OPCML: variants seen among roughly 807,000 people sequenced by gnomAD.
OPCML encodes the protein opioid-binding protein/cell adhesion molecule.
OPCML carries 13 observed loss-of-function variants against 37.8 expected under a neutral mutation model. The observed-to-expected ratio is 0.34, with a 90% CI of 0.22 to 0.55. The LOEUF is 0.55. OPCML is among the 20% of genes least tolerant of loss of function. OPCML has a pLI of 0.91. For synonymous variants in OPCML, 176 were observed against 168.8 expected, an observed-to-expected ratio of 1.04 and a Z score of -0.33; for missense variants, 341 against 435.6, an observed-to-expected ratio of 0.78 and a Z score of 1.93.
At chr11:132,931,362 C>G (rs971553309) in intron 2 of OPCML, among the ~76,000 whole-genome samples, 2 of 152,070 alleles carry the variant, frequency 1.3e-5, no homozygotes, top group African/African-American at 4.8e-5. Flanking sequence ...TCAAAAGACA[C>G]TATCAAAAGA....
At chr11:133,246,331 G>A (rs1044514092) in intron 1 of OPCML, among the ~76,000 whole-genome samples, 7 of 152,176 alleles carry the variant, frequency 4.6e-5, no homozygotes, top group African/African-American at 9.7e-5. Flanking sequence ...CAGAGTTAGA[G>A]AACATCATGA....
intron 1 of OPCML, among the ~76,000 whole-genome samples, chr11:132,956,024 A>T (rs1017398333): frequency 1.5e-4 from 23 of 152,232 alleles, no homozygotes; most frequent in African/African-American, 5.5e-4. Flanking sequence ...ATAATTATGT[A>T]TCTCTAACCC....
At chr11:133,399,186 G>A (rs4573684) in intron 1 of OPCML, among the ~76,000 whole-genome samples, 2,069 of 152,228 alleles carry the variant, frequency 0.014, 29 homozygotes, top group Middle Eastern at 0.02. Context: ...AGGAAAAAAG[G>A]ACAAAAGGAA....
chr11:133,055,303 C>T (rs1948211610), intron 1 of OPCML, among the ~76,000 whole-genome samples: 1 of 150,340 alleles, frequency 6.7e-6, no homozygotes. Context: ...TACAATGCAG[C>T]CTCCATGATA....
At chr11:133,001,968 A>G (rs898666769) in intron 1 of OPCML, among the ~76,000 whole-genome samples, 2 of 152,228 alleles carry the variant, frequency 1.3e-5, no homozygotes, top group Non-Finnish European at 2.9e-5. Context: ...CTTTTAAGTG[A>G]CAAGTGGCTG....
At chr11:133,004,972 T>C (rs763129907) in intron 1 of OPCML, 218 of 985,270 alleles carry the variant, frequency 2.2e-4, no homozygotes, top group Non-Finnish European at 2.4e-4. Context: ...ATCATGGTCC[T>C]TCCCACCTGG....
Position 133,178,125 on chromosome 11 carries a change from T to C in OPCML, c.62-235115A>G, listed in dbSNP as rs142899413. Among the ~76,000 whole-genome samples the C allele has an allele frequency of 8.0e-4, 122 of 152,276 alleles. 2 individuals carry two copies. In the East Asian group the frequency reaches 0.021, roughly 27 times the overall value. On this transcript the variant is annotated intron_variant, in intron 1 of 7. Coordinates refer to ENST00000524381, the MANE Select transcript of OPCML (RefSeq NM_001012393.5). ...AGTCAGGAGCTCTTACATTCATAAA[T>C]GTGATACCAACACACAAAGGCCATG...
chr11:132,566,365 ATACT>A (rs1392129094), intron 3 of OPCML, among the ~76,000 whole-genome samples: 1 of 152,198 alleles, frequency 6.6e-6, no homozygotes, highest in African/African-American at 2.4e-5. Flanking sequence ...AGACATCTGG[ATACT>A]TACTTGTTGT....
At chr11:132,491,247 C>A (rs530519120) in intron 4 of OPCML, among the ~76,000 whole-genome samples, 4 of 152,224 alleles carry the variant, frequency 2.6e-5, no homozygotes, top group South Asian at 2.1e-4. Flanking sequence ...CAGCTGATGT[C>A]CTTCTCCTGC....
intron 2 of OPCML, among the ~76,000 whole-genome samples, chr11:132,716,381 T>C (rs961854130): frequency 6.1e-5 from 9 of 148,222 alleles, no homozygotes; most frequent in Non-Finnish European, 1.2e-4. Context: ...TGTCTGTCTA[T>C]CTGTCTATTT....
intron 1 of OPCML, among the ~76,000 whole-genome samples, chr11:132,981,278 A>G (rs1392324431): frequency 6.6e-6 from 1 of 152,200 alleles, no homozygotes; most frequent in Non-Finnish European, 1.5e-5. Flanking sequence ...GATAAGATGT[A>G]GTGAGATGAT....
chr11:133,235,403 G>A (rs908249550), intron 1 of OPCML, among the ~76,000 whole-genome samples: 3 of 152,100 alleles, frequency 2.0e-5, no homozygotes, highest in African/African-American at 4.8e-5. Flanking sequence ...TATTTACATG[G>A]GGACCATGGA....
chr11:132,685,177 G>A (rs1943112860), intron 2 of OPCML, among the ~76,000 whole-genome samples: 1 of 152,110 alleles, frequency 6.6e-6, no homozygotes, highest in African/African-American at 2.4e-5. Flanking sequence ...TCATCTCCAT[G>A]CCAATAGTCT....
At chr11:132,921,141 T>C (rs1944785106) in intron 2 of OPCML, among the ~76,000 whole-genome samples, 1 of 152,214 alleles carries the variant, frequency 6.6e-6, no homozygotes, top group Non-Finnish European at 1.5e-5. Context: ...AAAACTTCCT[T>C]TCGACAGCCT....
chr11:132,650,509 A>C (rs1941376302), intron 3 of OPCML, among the ~76,000 whole-genome samples: 2 of 152,146 alleles, frequency 1.3e-5, no homozygotes, highest in Admixed American at 1.3e-4. Flanking sequence ...TGTGTGCTTT[A>C]TCTGCACTAA....
At chr11:133,461,322 A>C (rs1555162636) in intron 1 of OPCML, among the ~76,000 whole-genome samples, 1 of 151,724 alleles carries the variant, frequency 6.6e-6, no homozygotes, top group Non-Finnish European at 1.5e-5. Flanking sequence ...TAGGTAAAAA[A>C]CTCTAAATGT....
intron 2 of OPCML, among the ~76,000 whole-genome samples, chr11:132,852,762 A>G (rs572975791): frequency 6.6e-6 from 1 of 152,300 alleles, no homozygotes; most frequent in East Asian, 1.9e-4. Flanking sequence ...CCATACAACC[A>G]AAGAGAAAGC....
intron 1 of OPCML, among the ~76,000 whole-genome samples, chr11:133,200,860 G>A (rs1938750242): frequency 6.6e-6 from 1 of 152,122 alleles, no homozygotes; most frequent in Non-Finnish European, 1.5e-5. Flanking sequence ...ATTCACAATA[G>A]CAAAGACATG....
chr11:132,892,241 C>G (rs1009832448), intron 2 of OPCML, among the ~76,000 whole-genome samples: 34 of 152,186 alleles, frequency 2.2e-4, no homozygotes, highest in Admixed American at 3.3e-4. Context: ...GCAGACTTCT[C>G]CCCTAGAAAA....
Sources: gnomAD v4.1 joint callset for allele counts (sites outside exome capture counted in the v4.1 genomes callset) on GRCh38, gnomAD v4.1.1 for gene constraint, MANE v1.5 for transcripts, NCBI Gene and HGNC (gene_info 2026-07-23, HGNC 2026-07-21) for gene names.